The following SYNJ2 variants were observed in gnomAD, a reference collection of about 807,000 sequenced individuals.
SYNJ2 encodes the protein polyphosphatidylinositol phosphatase SYNJ2.
In SYNJ2, 116 loss-of-function variants were observed where a neutral mutation model predicts 141.3. The ratio of observed to expected loss-of-function variants is 0.82; its 90% CI spans 0.71 to 0.96. The LOEUF is 0.96. Ranked by LOEUF, SYNJ2 falls within the 40% of genes least tolerant of loss-of-function variation. The probability of loss-of-function intolerance (pLI) is 0.00; values close to 1 mark genes in which losing one functional copy is unlikely to be tolerated. For synonymous variants in SYNJ2, 745 were observed against 777.7 expected, an observed-to-expected ratio of 0.96 and a Z score of 0.70; for missense variants, 1,873 against 1,934.8, an observed-to-expected ratio of 0.97 and a Z score of 0.60.
At position 158,010,951 on chromosome 6, in the gene SYNJ2, C is replaced by T. The variant is rs371935956; in HGVS notation, c.128-6253C>T. Reference sequence around the variant, plus strand: ...ACATGGGGAGAGGATGGCCTTGGGACGACAGGACATGTGGGGAGGGGATGG... The same window carrying T: ...ACATGGGGAGAGGATGGCCTTGGGATGACAGGACATGTGGGGAGGGGATGG... On this transcript the variant is annotated intron_variant, in intron 1 of 26. Transcript: ENST00000355585. Among the ~76,000 whole-genome samples the T allele has an allele frequency of 4.1e-4, 46 of 113,508 alleles. 1 individual carries two copies. The highest frequency in any genetic ancestry group is 1.7e-3 in the South Asian group (6 of 3,560). 74.5% of individuals were successfully genotyped at this position (113,508 alleles called of 152,430 possible). A position where few individuals can be genotyped will look rare whatever the true frequency, so the allele number is the denominator to read the frequency against.
rs1425182499 is a variant in SYNJ2, at chr6:158,040,428, A to G, written c.712-2888A>G. Among the ~76,000 whole-genome samples the G allele has an allele frequency of 2.6e-5, 4 of 151,954 alleles. No individual in the cohort carries two copies. The highest frequency in any genetic ancestry group is 2.0e-4 in the Admixed American group (3 of 15,250). On this transcript the variant is annotated intron_variant, in intron 4 of 26. Coordinates refer to ENST00000355585, the MANE Select transcript of SYNJ2 (RefSeq NM_003898.4). The surrounding 1 kb of genome is among the most constrained non-coding windows in gnomAD (Gnocchi z 4.2). ...ATAGCATCTCAGCCTCCTTGGGAGGAAGCCTTGAGTCTTTTTGGCTCTGCT... is the reference window on the plus strand; with the variant it reads ...ATAGCATCTCAGCCTCCTTGGGAGGGAGCCTTGAGTCTTTTTGGCTCTGCT...
rs1562376321 is a variant in SYNJ2 at position 158,066,652 on chromosome 6, TG to T, written c.1717+22del. On this transcript the variant is annotated intron_variant, in intron 12 of 26. Coordinates refer to ENST00000355585, the MANE Select transcript of SYNJ2 (RefSeq NM_003898.4). ...ACTCCCAGGGTGAGGGCAGTGACTT[TG>T]GGGGAGACAAAATCCAATTGCACCT... 2 of 1,611,208 alleles carry T rather than the reference TG, an allele frequency of 1.2e-6. No individual in the cohort carries two copies. Among genetic ancestry groups the T allele is most frequent in the East Asian group, 4.5e-5 (2 of 44,844 alleles).
intron 1 of SYNJ2, among the ~76,000 whole-genome samples, chr6:158,002,809 G>A (rs1231123044): frequency 6.6e-6 from 1 of 152,252 alleles, no homozygotes; most frequent in Admixed American, 6.5e-5. Flanking sequence ...TGAAGTGTAA[G>A]GAACTGCCCA....
chr6:158,067,452 A>G, intron 12 of SYNJ2: 2 of 985,384 alleles, frequency 2.0e-6, no homozygotes, highest in Non-Finnish European at 1.2e-6. Flanking sequence ...AAATGTTGAC[A>G]CCTCACCTTT....
At position 158,003,744 on chromosome 6, in the gene SYNJ2, G is replaced by A. The variant is rs565139214; in HGVS notation, c.128-13460G>A. On this transcript the variant is annotated intron_variant, in intron 1 of 26. Transcript: ENST00000355585. ...GGCTCTGGGTGACCAGAGCTCTCAC[G>A]CAGAGCCGTGCACGGCTGCTCCCAC... 5.3e-5 allele frequency among the ~76,000 whole-genome samples: 8 copies of A among 152,278 alleles called. No individual in the cohort carries two copies. The East Asian group carries it at 9.6e-4, about 18-fold the overall frequency.
intron 6 of SYNJ2, among the ~76,000 whole-genome samples, chr6:158,056,696 C>A (rs1337806093): frequency 6.6e-6 from 1 of 152,176 alleles, no homozygotes; most frequent in East Asian, 1.9e-4. Flanking sequence ...TGGGTGCTTC[C>A]CAATTCTCTT....
Position 158,096,535 on chromosome 6 carries a change from T to C in SYNJ2, c.*171T>C, listed in dbSNP as rs745621651. On this transcript the variant is annotated 3_prime_UTR_variant, in exon 27 of 27. Coordinates refer to ENST00000355585, the MANE Select transcript of SYNJ2 (RefSeq NM_003898.4). Reference sequence around the variant, plus strand: ...GTCTCTTATTCAGTAAGATGGTTACTCAGCCACCAAAATATATTTCACTCA... The same window carrying C: ...GTCTCTTATTCAGTAAGATGGTTACCCAGCCACCAAAATATATTTCACTCA... The C allele has an allele frequency of 1.2e-5, 8 of 654,958 alleles. No individual in the cohort carries two copies. The highest frequency in any genetic ancestry group is 1.9e-5 in the Non-Finnish European group (8 of 415,028). 40.6% of individuals were successfully genotyped at this position (654,958 alleles called of 1,614,324 possible). A position where few individuals can be genotyped will look rare whatever the true frequency, so the allele number is the denominator to read the frequency against.
Position 157,982,817 on chromosome 6 carries a change from T to C in SYNJ2, c.127+729T>C, listed in dbSNP as rs1777062895. On this transcript the variant is annotated intron_variant, in intron 1 of 26. Coordinates refer to ENST00000355585, the MANE Select transcript of SYNJ2 (RefSeq NM_003898.4). The surrounding 1 kb of genome is among the most constrained non-coding windows in gnomAD (Gnocchi z 4.0). ...CAAACTGAGGCCTAAAGAGGCTAAG[T>C]TGCTTGCCAAGGTGACACCATCCAC... 6.6e-6 allele frequency among the ~76,000 whole-genome samples: 1 copy of C among 152,200 alleles called. No individual in the cohort carries two copies. The highest frequency in any genetic ancestry group is 1.5e-5 in the Non-Finnish European group (1 of 68,034).
Position 158,083,001 on chromosome 6 carries a change from C to T in SYNJ2, c.2866-428C>T, listed in dbSNP as rs113402944. On this transcript the variant is annotated intron_variant, in intron 20 of 26. Coordinates refer to ENST00000355585, the MANE Select transcript of SYNJ2 (RefSeq NM_003898.4). ...AGGCTAGAGTGCAGTGGTGCAATCT[C>T]GGCTCACCGCAGCTTCCGCCTCCCG... Among the ~76,000 whole-genome samples, 6 of 152,062 alleles carry T rather than the reference C, an allele frequency of 3.9e-5. 1 individual carries two copies. Among genetic ancestry groups the T allele is most frequent in the African/African-American group, 1.4e-4 (6 of 41,496 alleles).
chr6:158,043,371 C>G lies in SYNJ2; in HGVS notation c.767C>G (p.Pro256Arg), dbSNP rs200593132. 6.2e-7 allele frequency: 1 copy of G among 1,613,988 alleles called. No individual in the cohort carries two copies. The highest frequency in any genetic ancestry group is 1.3e-5 in the African/African-American group (1 of 74,932). The change falls in exon 5 of 27, where the codon CCG becomes CGG. Residue 256 changes from proline (P) to arginine (R), a missense_variant. Pro to Arg is a moderately radical substitution (Grantham distance 103, BLOSUM62 -2). Coordinates refer to ENST00000355585, the MANE Select transcript of SYNJ2 (RefSeq NM_003898.4). This position sits in a 1 kb window ranked among gnomAD's most constrained non-coding sequence, Gnocchi z 4.0. ...SSFVQIRGSV[P>R]LFWEQPGLQV... ...TTTGTCCAGATCAGAGGCTCCGTTC[C>G]GCTGTTCTGGGAACAGCCAGGGCTT...
At chr6:158,018,205 C>G (rs1256918914) in intron 2 of SYNJ2, among the ~76,000 whole-genome samples, 1 of 152,122 alleles carries the variant, frequency 6.6e-6, no homozygotes, top group Non-Finnish European at 1.5e-5. Flanking sequence ...TGGTGGCCGG[C>G]TGTCGTGGGT....
At chr6:158,078,623 G>A (rs750869507) in intron 18 of SYNJ2, 5 of 207,252 alleles carry the variant, frequency 2.4e-5, no homozygotes, top group East Asian at 1.3e-4. Context: ...AGATACAGTC[G>A]TGTTGATGTT....
intron 1 of SYNJ2, among the ~76,000 whole-genome samples, chr6:158,005,320 A>G (rs1256078590): frequency 2.0e-5 from 3 of 151,934 alleles, no homozygotes; most frequent in Non-Finnish European, 4.4e-5. Flanking sequence ...CTCGTGATCC[A>G]CCCACCTTGG....
chr6:158,076,554 G>A, intron 16 of SYNJ2, 72 bp from the exon 17 acceptor site: 1 of 1,513,518 alleles, frequency 6.6e-7, no homozygotes, highest in Non-Finnish European at 8.9e-7. Flanking sequence ...TGCCTTTTCA[G>A]TTTTCGTTTT....
At position 158,033,530 on chromosome 6, in the gene SYNJ2, G is replaced by T; in HGVS notation, c.561G>T (p.Gly187=). 1 of 1,614,194 alleles carries T rather than the reference G, an allele frequency of 6.2e-7. No individual in the cohort carries two copies. The highest frequency in any genetic ancestry group is 8.5e-7 in the Non-Finnish European group (1 of 1,180,058). Residue 187 remains glycine, a synonymous_variant, in exon 4 of 27, where the codon GGG becomes GGT. Transcript: ENST00000355585. ...CCDWLLKIIC[G]VVTIRTVYAS... is the part of the protein sequence containing the mutation. The stretch of plus-strand genomic sequence containing the variant: ...ACTGGCTGCTGAAGATCATCTGCGG[G>T]GTGGTCACCATCCGCACCGTGTATG...
Position 158,081,434 on chromosome 6 carries a change from T to G in SYNJ2, c.2789T>G (p.Ile930Ser), listed in dbSNP as rs1480478206. ...GSYGTIVLVR[I>S]NQGQMLVTFA... Reference sequence around the variant, plus strand: ...ACTTGGAGTATCATTTATTCCAGGATCAACCAAGGGCAGATGCTGGTAACT... The same window carrying G: ...ACTTGGAGTATCATTTATTCCAGGAGCAACCAAGGGCAGATGCTGGTAACT... The change falls in exon 20 of 27, where the codon ATC becomes AGC. Residue 930 changes from isoleucine (I) to serine (S), a missense_variant and splice_region_variant. Ile to Ser is a moderately radical substitution (Grantham distance 142). Transcript: ENST00000355585. 1 of 1,613,826 alleles carries G rather than the reference T, an allele frequency of 6.2e-7. No individual in the cohort carries two copies. Among genetic ancestry groups the G allele is most frequent in the Admixed American group, 1.7e-5 (1 of 59,972 alleles).
chr6:158,081,710 C>G (rs1266212247), intron 20 of SYNJ2, among the ~76,000 whole-genome samples, 200 bp downstream of exon 20: 1 of 145,548 alleles, frequency 6.9e-6, no homozygotes, highest in Non-Finnish European at 1.5e-5. Context: ...CAGCCTTGAA[C>G]TGCCAGGCTT....
chr6:158,035,371 T>C (rs1779584117), intron 4 of SYNJ2, among the ~76,000 whole-genome samples: 1 of 152,210 alleles, frequency 6.6e-6, no homozygotes, highest in South Asian at 2.1e-4. Context: ...GTTTTGTAAT[T>C]CTCATTGTAG....
At chr6:158,000,108 C>T (rs1777787297) in intron 1 of SYNJ2, among the ~76,000 whole-genome samples, 1 of 75,454 alleles carries the variant, frequency 1.3e-5, no homozygotes, top group Non-Finnish European at 2.5e-5. Flanking sequence ...TTTTTTGAGG[C>T]AGGAGCTAAT....
Sources: allele counts gnomAD v4.1 joint callset (sites outside exome capture counted in the v4.1 genomes callset), GRCh38; gene constraint gnomAD v4.1.1; non-coding constraint Gnocchi (gnomAD v3.1); transcripts MANE v1.5; gene names NCBI Gene and HGNC (gene_info 2026-07-23, HGNC 2026-07-21).